ARB2A: variants seen among roughly 807,000 people sequenced by gnomAD.
ARB2A encodes ARB2 cotranscriptional regulator A.
the ARB2A span, among the ~76,000 whole-genome samples, chr5:93,823,484 G>T: frequency 6.6e-6 from 1 of 152,132 alleles, no homozygotes; most frequent in Non-Finnish European, 1.5e-5. Context: ...GTACAAGTCA[G>T]TTAAAGACTA....
chr5:94,049,784 G>A, the ARB2A span, among the ~76,000 whole-genome samples: 1 of 152,124 alleles, frequency 6.6e-6, no homozygotes, highest in East Asian at 1.9e-4. Flanking sequence ...TCGTGACACT[G>A]CACTCCAGCC....
At chr5:93,900,215 GT>G in the ARB2A span, among the ~76,000 whole-genome samples, 1 of 152,076 alleles carries the variant, frequency 6.6e-6, no homozygotes. Context: ...ACTATTTTGG[GT>G]CTTTTTTAAT....
the ARB2A span, chr5:93,805,041 G>T: frequency 7.2e-5 from 69 of 962,240 alleles, no homozygotes; most frequent in Non-Finnish European, 8.4e-5. Context: ...TTTTATGAGG[G>T]GATGCATTTT....
At chr5:93,697,497 T>A in the ARB2A span, among the ~76,000 whole-genome samples, 2 of 152,212 alleles carry the variant, frequency 1.3e-5, no homozygotes, top group African/African-American at 2.4e-5. Context: ...TTTACACTTT[T>A]AAAATATTTT....
chr5:94,005,392 G>A, the ARB2A span, among the ~76,000 whole-genome samples: 1 of 152,198 alleles, frequency 6.6e-6, no homozygotes, highest in South Asian at 2.1e-4. Context: ...TATTTTAGTA[G>A]AGATAGGGTT....
chr5:93,981,871 TG>T, the ARB2A span, among the ~76,000 whole-genome samples: 75 of 152,240 alleles, frequency 4.9e-4, no homozygotes, highest in Non-Finnish European at 9.0e-4. Flanking sequence ...TCTGAGCATC[TG>T]TAGTACTTCC....
the ARB2A span, among the ~76,000 whole-genome samples, chr5:93,914,996 G>T: frequency 6.6e-6 from 1 of 151,926 alleles, no homozygotes; most frequent in Admixed American, 6.6e-5. Context: ...GGATCCTTAT[G>T]AAATTTGTTT....
At chr5:93,772,369 A>C in the ARB2A span, among the ~76,000 whole-genome samples, 197 of 152,136 alleles carry the variant, frequency 1.3e-3, 1 homozygote, top group African/African-American at 4.7e-3. Context: ...TGACGAGTTA[A>C]TGGGTGCAGC....
chr5:94,049,221 T>A, the ARB2A span, among the ~76,000 whole-genome samples: 1 of 152,190 alleles, frequency 6.6e-6, no homozygotes, highest in Non-Finnish European at 1.5e-5. Context: ...AAATGACATT[T>A]TCAAAGGTTC....
At chr5:93,908,529 TA>T in the ARB2A span, among the ~76,000 whole-genome samples, 2 of 150,790 alleles carry the variant, frequency 1.3e-5, no homozygotes, top group Non-Finnish European at 3.0e-5. Flanking sequence ...TGAAGTCTAA[TA>T]CAAAAGTATT....
At chr5:93,805,311 C>G in the ARB2A span, 4 of 984,962 alleles carry the variant, frequency 4.1e-6, no homozygotes, top group African/African-American at 7.0e-5. Context: ...TGCTCCTTCA[C>G]TATATAAAGG....
the ARB2A span, among the ~76,000 whole-genome samples, chr5:93,717,811 G>T: frequency 0.11 from 16,160 of 150,724 alleles, 995 homozygotes; most frequent in Middle Eastern, 0.18. Flanking sequence ...TGCTATAAAT[G>T]ATTATTTCTG....
chr5:93,988,897 A>C, the ARB2A span, among the ~76,000 whole-genome samples: 1 of 152,108 alleles, frequency 6.6e-6, no homozygotes, highest in African/African-American at 2.4e-5. Flanking sequence ...CTGGATTCAA[A>C]CCTAGGCAAT....
chr5:94,090,945 G>A, the ARB2A span, among the ~76,000 whole-genome samples: 213 of 152,058 alleles, frequency 1.4e-3, 6 homozygotes, highest in Middle Eastern at 3.4e-3. Flanking sequence ...TAAAGAAGGC[G>A]CTTCCTTTGG....
At chr5:93,922,544 G>A in the ARB2A span, among the ~76,000 whole-genome samples, 6 of 145,388 alleles carry the variant, frequency 4.1e-5, no homozygotes, top group Non-Finnish European at 9.1e-5. Context: ...GCGTGATGGC[G>A]GGTGCCTGTA....
the ARB2A span, chr5:93,958,753 A>C: frequency 3.2e-5 from 47 of 1,470,698 alleles, no homozygotes; most frequent in Non-Finnish European, 3.2e-5. Context: ...TGCCAAAAAA[A>C]AAAACCCAGG....
At chr5:94,089,710 A>C in the ARB2A span, among the ~76,000 whole-genome samples, 1 of 151,518 alleles carries the variant, frequency 6.6e-6, no homozygotes, top group Non-Finnish European at 1.5e-5. Flanking sequence ...TAAGTATACA[A>C]ACATATTCTA....
chr5:94,083,528 A>C, the ARB2A span, among the ~76,000 whole-genome samples: 3 of 152,192 alleles, frequency 2.0e-5, no homozygotes, highest in Non-Finnish European at 2.9e-5. Flanking sequence ...GTAAGCTGAC[A>C]AAAAGGTTAA....
chr5:93,703,263 G>A, the ARB2A span, among the ~76,000 whole-genome samples: 4 of 152,168 alleles, frequency 2.6e-5, no homozygotes, highest in Admixed American at 6.5e-5. Context: ...TGGTGCTGCC[G>A]TTCTCTGGCG....
Sources: allele counts gnomAD v4.1 joint callset (sites outside exome capture counted in the v4.1 genomes callset), GRCh38; gene constraint gnomAD v4.1.1; transcripts MANE v1.5; gene names NCBI Gene and HGNC (gene_info 2026-07-23, HGNC 2026-07-21).